MNS1: variants seen among roughly 807,000 people sequenced by gnomAD.
MNS1 encodes meiosis-specific nuclear structural protein 1.
In MNS1, 63 loss-of-function variants were observed where a neutral mutation model predicts 72.0. The observed-to-expected ratio is 0.87, with a 90% CI of 0.71 to 1.08. MNS1 has a LOEUF of 1.08. Among genes scored for constraint, MNS1 ranks in the 50% least tolerant of loss-of-function variants. The probability of loss-of-function intolerance (pLI) is 0.00; values close to 1 mark genes in which losing one functional copy is unlikely to be tolerated. For missense variants in MNS1, 604 were observed against 562.4 expected (o/e 1.07, Z -0.75); for synonymous variants, 188 against 172.1 (o/e 1.09, Z -0.72).
In MNS1 at chr15:56,428,780, G is replaced by T. The variant is rs529801792; in HGVS notation, c.*321C>A. The T allele has an allele frequency of 5.7e-6, 2 of 349,678 alleles. No homozygotes were observed. Among genetic ancestry groups the T allele is most frequent in the Non-Finnish European group, 1.0e-5 (2 of 194,460 alleles). 21.7% of individuals were successfully genotyped at this position (349,678 alleles called of 1,614,324 possible). A position where few individuals can be genotyped will look rare whatever the true frequency, so the allele number is the denominator to read the frequency against. ...TGGCTAAATCAAGTAAGTAAAGTTC[G>T]TAAACACAGACAGAAGGCAGTTCAC... On this transcript the variant is annotated 3_prime_UTR_variant, in exon 10 of 10. Transcript: ENST00000260453.
Position 56,434,332 on chromosome 15 carries a change from C to T in MNS1, c.1075G>A (p.Ala359Thr). Reference sequence around the variant, plus strand: ...GCCTGTAGCACTAATTCCTTCAAGGCCATTTGTTCTTCAAAATCTTGCTTC... The same window carrying T: ...GCCTGTAGCACTAATTCCTTCAAGGTCATTTGTTCTTCAAAATCTTGCTTC... Reference protein sequence around the residue: ...EMKQDFEEQMALKELVLQAAK... With the variant: ...EMKQDFEEQMTLKELVLQAAK... Residue 359 changes from alanine (A) to threonine (T), a missense_variant, in exon 8 of 10, where the codon GCC becomes ACC. Physicochemically the swap from Ala to Thr is moderately conservative, Grantham distance 58 (BLOSUM62 0). Transcript: ENST00000260453. 6.2e-7 allele frequency: 1 copy of T among 1,613,616 alleles called. No individual in the cohort carries two copies.
intron 9 of MNS1, chr15:56,429,829 A>C (rs1157692163): frequency 6.6e-6 from 1 of 152,188 alleles, no homozygotes; most frequent in Non-Finnish European, 1.5e-5. Context: ...TAAAGGATAA[A>C]GGTCATTTTT....
At chr15:56,449,062 G>C (rs2050929062) in intron 3 of MNS1, among the ~76,000 whole-genome samples, 2 of 152,068 alleles carry the variant, frequency 1.3e-5, no homozygotes, top group Admixed American at 1.3e-4. Context: ...GCTATTTGTA[G>C]ATGCTTTTGG....
intron 3 of MNS1, among the ~76,000 whole-genome samples, chr15:56,455,289 T>C (rs2050974857): frequency 7.1e-6 from 1 of 139,868 alleles, no homozygotes; most frequent in Non-Finnish European, 1.5e-5. Flanking sequence ...TAACAGCTAA[T>C]GATGGTTGGA....
chr15:56,440,146 G>A (rs1373382720), intron 7 of MNS1, among the ~76,000 whole-genome samples: 2 of 152,050 alleles, frequency 1.3e-5, no homozygotes, highest in African/African-American at 2.4e-5. Context: ...CACCAAAGAG[G>A]ACAGCAAATA....
rs1441292048 is a variant in MNS1, at chr15:56,464,021, C to T, written c.225+5G>A. 1.3e-5 allele frequency: 20 copies of T among 1,599,710 alleles called. No homozygotes were observed. The highest frequency in any genetic ancestry group is 1.7e-5 in the Non-Finnish European group (20 of 1,173,330). On this transcript the variant is annotated splice_donor_5th_base_variant and intron_variant, in intron 2 of 9. Coordinates refer to ENST00000260453, the MANE Select transcript of MNS1 (RefSeq NM_018365.4). Reference sequence around the variant, plus strand: ...AAAAAAGTAACAATGAATAGTAAAACTTACCTTTTGAATGGCCTCTTCCAT... The same window carrying T: ...AAAAAAGTAACAATGAATAGTAAAATTTACCTTTTGAATGGCCTCTTCCAT...
chr15:56,431,413 A>G lies in MNS1; in HGVS notation c.1355T>C (p.Leu452Pro). 1 of 1,613,540 alleles carries G rather than the reference A, an allele frequency of 6.2e-7. No homozygotes were observed. The highest frequency in any genetic ancestry group is 8.5e-7 in the Non-Finnish European group (1 of 1,179,864). ...TAGTAAGTTTGTAGCATGCTCTTTA[A>G]GAAGTTTTAGCCTTTCTTCTTCAAT... ...AIIEEERLKL[L>P]KEHATNLLGY... is the part of the protein sequence containing the mutation. The change falls in exon 9 of 10, where the codon CTT becomes CCT. Residue 452 changes from leucine (L) to proline (P), a missense_variant. By Grantham distance (98) the Leu-to-Pro change is moderately conservative (BLOSUM62 -3). Transcript: ENST00000260453.
At chr15:56,463,909 A>G (rs1270106385) in intron 2 of MNS1, 117 bp downstream of exon 2, 1 of 793,580 alleles carries the variant, frequency 1.3e-6, no homozygotes, top group Non-Finnish European at 2.0e-6. Flanking sequence ...AGGCACAATC[A>G]GGCATCACTT....
intron 3 of MNS1, among the ~76,000 whole-genome samples, chr15:56,450,121 T>C (rs1204271942): frequency 6.6e-6 from 1 of 152,218 alleles, no homozygotes; most frequent in African/African-American, 2.4e-5. Context: ...TGCAGTTTGT[T>C]TTCTAGTAAT....
chr15:56,437,620 G>A (rs1249392007), intron 7 of MNS1, among the ~76,000 whole-genome samples: 2 of 152,056 alleles, frequency 1.3e-5, no homozygotes, highest in South Asian at 2.1e-4. Flanking sequence ...GGCCAGGGCA[G>A]TCAGGCAGGA....
At chr15:56,439,832 A>G (rs2050789646) in intron 7 of MNS1, among the ~76,000 whole-genome samples, 1 of 151,970 alleles carries the variant, frequency 6.6e-6, no homozygotes, top group African/African-American at 2.4e-5. Context: ...TTCTTCAATA[A>G]CTAGGCGAAG....
chr15:56,459,016 G>A (rs1186289765), intron 2 of MNS1, among the ~76,000 whole-genome samples: 1 of 152,166 alleles, frequency 6.6e-6, no homozygotes, highest in African/African-American at 2.4e-5. Context: ...TAGCACATCT[G>A]TGTGTACATT....
At position 56,443,790 on chromosome 15, in the gene MNS1, C is replaced by G. The variant is rs137897472; in HGVS notation, c.751G>C (p.Glu251Gln). The change falls in exon 6 of 10, where the codon GAG becomes CAG. Residue 251 changes from glutamate (E) to glutamine (Q), a missense_variant. Physicochemically the swap from Glu to Gln is conservative, Grantham distance 29. Transcript: ENST00000260453. ...TTCTTTTTTCTCCAGAGAGCCTGCT[C>G]TTTCTGAAACTCTTCTATATACCTT... ...MRRYIEEFQK[E>Q]QALWRKKKRE... The G allele has an allele frequency of 3.6e-5, 58 of 1,612,638 alleles. No individual in the cohort carries two copies. In the African/African-American group the frequency reaches 7.5e-4, roughly 21 times the overall value.
At position 56,456,516 on chromosome 15, in the gene MNS1, T is replaced by C; in HGVS notation, c.231A>G (p.Glu77=). The C allele has an allele frequency of 6.2e-7, 1 of 1,608,102 alleles. No individual in the cohort carries two copies. Among genetic ancestry groups the C allele is most frequent in the Non-Finnish European group, 8.5e-7 (1 of 1,178,590 alleles). ...GGAGTTCTTTCAATCTCTTGTTTTC[T>C]TCTGCCTGAACGAAAAATTTAACTT... ...LDMEEAIQKA[E]ENKRLKELQL... is the part of the protein sequence containing the mutation. Residue 77 remains glutamate, a synonymous_variant, in exon 3 of 10, where the codon GAA becomes GAG. Coordinates refer to ENST00000260453, the MANE Select transcript of MNS1 (RefSeq NM_018365.4).
intron 7 of MNS1, among the ~76,000 whole-genome samples, chr15:56,442,111 A>G (rs1048831614): frequency 1.7e-4 from 26 of 152,292 alleles, no homozygotes; most frequent in African/African-American, 5.3e-4. Flanking sequence ...ATATATATGT[A>G]GCCAACAAGC....
At position 56,460,009 on chromosome 15, in the gene MNS1, A is replaced by AAAAAAAAAAATATATATATATATATATAT; in HGVS notation, c.226-3489_226-3488insATATATATATATATATATATTTTTTTTTT. Among the ~76,000 whole-genome samples, 34 of 26,370 alleles carry AAAAAAAAAAATATATATATATATATATAT rather than the reference A, an allele frequency of 1.3e-3. 6 individuals are homozygous for AAAAAAAAAAATATATATATATATATATAT. The highest frequency in any genetic ancestry group is 2.3e-3 in the East Asian group (2 of 876). 17.3% of individuals were successfully genotyped at this position (26,370 alleles called of 152,430 possible). ...CTGTCTCAAAAAAAAAAAAAAAAAA[A>AAAAAAAAAAATATATATATATATATATAT]ATACATATATATATATATATATATA... On this transcript the variant is annotated intron_variant, in intron 2 of 9. Transcript: ENST00000260453.
At chr15:56,442,765 C>A (rs1181298748) in intron 7 of MNS1, among the ~76,000 whole-genome samples, 1 of 152,052 alleles carries the variant, frequency 6.6e-6, no homozygotes, top group Non-Finnish European at 1.5e-5. Flanking sequence ...GGGTGAGGAT[C>A]AATAAACTAC....
intron 2 of MNS1, among the ~76,000 whole-genome samples, chr15:56,461,675 A>G (rs2051021865): frequency 6.6e-6 from 1 of 151,152 alleles, no homozygotes; most frequent in East Asian, 1.9e-4. Flanking sequence ...AAAAAAAAAA[A>G]AAAAAAACGA....
At chr15:56,435,877 A>C (rs1439967524) in intron 7 of MNS1, among the ~76,000 whole-genome samples, 1 of 152,096 alleles carries the variant, frequency 6.6e-6, no homozygotes, top group Non-Finnish European at 1.5e-5. Flanking sequence ...TTCCTCGTGA[A>C]TATGGATGCA....
Sources: allele counts gnomAD v4.1 joint callset (sites outside exome capture counted in the v4.1 genomes callset), GRCh38; gene constraint gnomAD v4.1.1; transcripts MANE v1.5; gene names NCBI Gene and HGNC (gene_info 2026-07-23, HGNC 2026-07-21).